The following TIAM1 variants were observed in gnomAD, a reference collection of about 807,000 sequenced individuals.
TIAM1 encodes the protein rho guanine nucleotide exchange factor TIAM1.
Under a neutral mutation model 163.5 loss-of-function variants are expected in TIAM1, and 65 were observed. That is an observed-to-expected ratio of 0.40 (90% CI 0.33 to 0.49). The LOEUF is 0.49. Ranked by LOEUF, TIAM1 falls within the 20% of genes least tolerant of loss-of-function variation. The pLI is 0.77. For missense variants in TIAM1, 1,789 were observed against 2,044.7 expected (o/e 0.87, Z 2.41); for synonymous variants, 833 against 810.1 (o/e 1.03, Z -0.48).
chr21:31,531,014 T>C (rs570054790), intron 1 of TIAM1, among the ~76,000 whole-genome samples: 1 of 152,234 alleles, frequency 6.6e-6, no homozygotes, highest in South Asian at 2.1e-4. Context: ...TCTCTCCAGA[T>C]GGCGGCTTGT....
At chr21:31,140,036 C>T (rs554670971) in intron 22 of TIAM1, among the ~76,000 whole-genome samples, 1 of 152,336 alleles carries the variant, frequency 6.6e-6, no homozygotes, top group South Asian at 2.1e-4. Flanking sequence ...ACCTTTACAA[C>T]ACCTGCCTGG....
intron 1 of TIAM1, among the ~76,000 whole-genome samples, chr21:31,543,991 G>A (rs914578201): frequency 1.3e-5 from 2 of 150,814 alleles, no homozygotes; most frequent in African/African-American, 2.4e-5. Flanking sequence ...TGGGCAGATC[G>A]TTCAAGTCAG....
intron 2 of TIAM1, among the ~76,000 whole-genome samples, chr21:31,409,217 C>T (rs753350941): frequency 3.3e-5 from 5 of 151,806 alleles, no homozygotes; most frequent in Non-Finnish European, 7.4e-5. Flanking sequence ...TTCAAGGATT[C>T]TCCTGCCTCA....
In TIAM1 at chr21:31,385,976, A is replaced by G. The variant is rs867424812; in HGVS notation, c.-368-46554T>C. On this transcript the variant is annotated intron_variant, in intron 2 of 28. Coordinates refer to the TIAM1 transcript ENST00000286827. ...TATTAATATATTATATATAATATAT[A>G]TAATAAACATTTTAAACAAATAACT... is the stretch of plus-strand genomic sequence containing the variant. 2.0e-5 allele frequency among the ~76,000 whole-genome samples: 3 copies of G among 148,358 alleles called. No homozygotes were observed. The East Asian group carries it at 5.8e-4, about 29-fold the overall frequency.
chr21:31,119,109 A>T lies in TIAM1; in HGVS notation c.*1259T>A, dbSNP rs1337206651. 2.7e-4 allele frequency: 34 copies of T among 123,790 alleles called. No homozygotes were observed. The highest frequency in any genetic ancestry group is 3.9e-4 in the Non-Finnish European group (21 of 53,202). 7.7% of individuals were successfully genotyped at this position (123,790 alleles called of 1,614,324 possible). On this transcript the variant is annotated 3_prime_UTR_variant, in exon 28 of 28. Coordinates refer to ENST00000541036, the MANE Select transcript of TIAM1 (RefSeq NM_001353694.2). ...AGAAAAAGCTATAAACCTTTTTTTA[A>T]AAAAAAAAAAAAAATTGAAAGTGCT...
chr21:31,533,075 C>T (rs2048021483), intron 1 of TIAM1, among the ~76,000 whole-genome samples: 1 of 152,224 alleles, frequency 6.6e-6, no homozygotes, highest in Non-Finnish European at 1.5e-5. Context: ...AATCTCAGCA[C>T]TCTGGGAGGC....
At chr21:31,187,121 C>T (rs1157949668) in intron 13 of TIAM1, 34 bp from the exon 14 acceptor site, 1 of 1,595,746 alleles carries the variant, frequency 6.3e-7, no homozygotes, top group South Asian at 1.1e-5. Context: ...TGGCAGGGCT[C>T]ACACCTTCTG....
Position 31,152,776 on chromosome 21 carries a change from G to C in TIAM1, c.3241-15C>G. On this transcript the variant is annotated splice_polypyrimidine_tract_variant and intron_variant, in intron 18 of 27. Transcript: ENST00000541036. ...AGCACGTCAAGCTAGAAATAAAACA[G>C]AATTTAATGCACCTCATATCTCATT... is the stretch of plus-strand genomic sequence containing the variant. 6.2e-7 allele frequency: 1 copy of C among 1,613,310 alleles called. No individual in the cohort carries two copies. The highest frequency in any genetic ancestry group is 8.5e-7 in the Non-Finnish European group (1 of 1,179,724).
chr21:31,277,144 G>A (rs1601799127), intron 2 of TIAM1, among the ~76,000 whole-genome samples: 4 of 152,246 alleles, frequency 2.6e-5, no homozygotes, highest in South Asian at 4.2e-4. Flanking sequence ...TCTAACTCAC[G>A]GGATGAGGCA....
At chr21:31,264,482 C>T (rs1314270148) in intron 4 of TIAM1, among the ~76,000 whole-genome samples, 1 of 152,168 alleles carries the variant, frequency 6.6e-6, no homozygotes, top group African/African-American at 2.4e-5. Flanking sequence ...ATTCTACTTT[C>T]TCAAAAAACC....
intron 2 of TIAM1, among the ~76,000 whole-genome samples, chr21:31,336,716 G>T (rs946240309): frequency 6.6e-5 from 10 of 152,040 alleles, no homozygotes; most frequent in African/African-American, 2.4e-4. Context: ...CATCTGAGAA[G>T]GAACACTGGT....
At chr21:31,295,838 A>G (rs1401272988) in intron 2 of TIAM1, among the ~76,000 whole-genome samples, 1 of 152,068 alleles carries the variant, frequency 6.6e-6, no homozygotes, top group African/African-American at 2.4e-5. Context: ...TTTGAGACGG[A>G]TTGGGCTGGA....
At chr21:31,237,187 C>A (rs1347920944) in intron 6 of TIAM1, among the ~76,000 whole-genome samples, 1 of 152,184 alleles carries the variant, frequency 6.6e-6, no homozygotes, top group Non-Finnish European at 1.5e-5. Flanking sequence ...AGGGACCATA[C>A]CTCCTTTGAG....
rs897428821 is a variant in TIAM1, at chr21:31,396,602, A to G, written c.-368-57180T>C. ...ATATAATAATATGAAATATTATATA[A>G]TATCAATTATATTATCAATTATAAC... On this transcript the variant is annotated intron_variant, in intron 2 of 28. Coordinates refer to the TIAM1 transcript ENST00000286827. Among the ~76,000 whole-genome samples the G allele has an allele frequency of 2.0e-5, 3 of 148,642 alleles. No homozygotes were observed. The South Asian group carries it at 6.2e-4, about 31-fold the overall frequency.
intron 1 of TIAM1, among the ~76,000 whole-genome samples, chr21:31,472,934 T>C (rs2045799405): frequency 6.6e-6 from 1 of 152,206 alleles, no homozygotes; most frequent in Non-Finnish European, 1.5e-5. Flanking sequence ...TCTGATCTGC[T>C]GCAAGTCTTC....
chr21:31,148,847 T>C lies in TIAM1; in HGVS notation c.3367-1844A>G, dbSNP rs1468989697. On this transcript the variant is annotated intron_variant, in intron 19 of 27. Transcript: ENST00000541036. ...CTGACGTACATTGCAAATTTCCAAATGAAAATTTTATCAAAACTTATTTGA... is the reference window on the plus strand; with the variant it reads ...CTGACGTACATTGCAAATTTCCAAACGAAAATTTTATCAAAACTTATTTGA... Among the ~76,000 whole-genome samples, 13 of 152,232 alleles carry C rather than the reference T, an allele frequency of 8.5e-5. 1 individual carries two copies. In the East Asian group the frequency reaches 2.3e-3, roughly 27 times the overall value.
At chr21:31,268,475 T>C (rs1451686653) in intron 3 of TIAM1, among the ~76,000 whole-genome samples, 2 of 152,182 alleles carry the variant, frequency 1.3e-5, no homozygotes, top group East Asian at 1.9e-4. Context: ...TTCACTGAAA[T>C]AAAATTTGTG....
At chr21:31,228,220 T>TAAAAAAAA (rs71191197) in intron 6 of TIAM1, among the ~76,000 whole-genome samples, 2 of 16,264 alleles carry the variant, frequency 1.2e-4, no homozygotes, top group Non-Finnish European at 2.5e-4. Context: ...CTCCTTTTTT[T>TAAAAAAAA]AAAAAAAAAA....
chr21:31,184,348 C>T (rs939920354), intron 14 of TIAM1, among the ~76,000 whole-genome samples: 2 of 152,184 alleles, frequency 1.3e-5, no homozygotes, highest in East Asian at 1.9e-4. Flanking sequence ...TCAGGTGATC[C>T]GCCCACCTTG....
Sources: gnomAD v4.1 joint callset for allele counts (sites outside exome capture counted in the v4.1 genomes callset) on GRCh38, gnomAD v4.1.1 for gene constraint, MANE v1.5 for transcripts, NCBI Gene and HGNC (gene_info 2026-07-23, HGNC 2026-07-21) for gene names.